The following ZAN variants were observed in gnomAD, a reference collection of about 807,000 sequenced individuals.
ZAN encodes the protein zonadhesin.
In ZAN, 260 loss-of-function variants were observed where a neutral mutation model predicts 286.2. The ratio of observed to expected loss-of-function variants is 0.91; its 90% CI spans 0.82 to 1.01. The LOEUF (loss-of-function observed/expected upper bound fraction) is 1.01. Among genes scored for constraint, ZAN ranks in the 50% least tolerant of loss-of-function variants. The probability of loss-of-function intolerance (pLI) is 0.00; values close to 1 mark genes in which losing one functional copy is unlikely to be tolerated. For synonymous variants in ZAN, 1,368 were observed against 1,417.5 expected (o/e 0.97, Z 0.79); for missense variants, 3,410 against 3,639.2 (o/e 0.94, Z 1.62).
intron 12 of ZAN, 59 bp downstream of exon 12, chr7:100,750,955 C>T: frequency 6.6e-7 from 1 of 1,510,246 alleles, no homozygotes; most frequent in Non-Finnish European, 8.8e-7. Flanking sequence ...TGCCTGGGAT[C>T]TGGGGGCGCC....
chr7:100,779,665 C>A lies in ZAN; in HGVS notation c.6537C>A (p.Ala2179=). ...GTGAGTTCGGAGGTCTCTACCAGGC[C>A]CTCTGCCAGGCTCTGCAAGCCTTCG... ...TLCEFGGLYQ[A]LCQALQAFGA... Residue 2179 remains alanine (A), a synonymous_variant, in exon 35 of 48, where the codon GCC becomes GCA. Transcript: ENST00000613979. The A allele has an allele frequency of 4.4e-6, 7 of 1,575,000 alleles. No individual in the cohort carries two copies. The highest frequency in any genetic ancestry group is 6.0e-6 in the Non-Finnish European group (7 of 1,160,436).
intron 17 of ZAN, 79 bp from the exon 18 acceptor site, chr7:100,759,634 TCCCTGCGG>T: frequency 5.4e-6 from 7 of 1,307,436 alleles, no homozygotes; most frequent in South Asian, 1.9e-5. Context: ...CGCTCATCTC[TCCCTGCGG>T]CGCCAGGCTC....
At chr7:100,757,048 G>A (rs573015052) in intron 15 of ZAN, among the ~76,000 whole-genome samples, 2 of 152,296 alleles carry the variant, frequency 1.3e-5, no homozygotes, top group East Asian at 1.9e-4. Context: ...GATTACAGGC[G>A]TGAGCCACCG....
intron 27 of ZAN, 96 bp from the exon 28 acceptor site, chr7:100,769,784 C>T (rs993930848): frequency 1.3e-5 from 14 of 1,085,666 alleles, no homozygotes; most frequent in Middle Eastern, 2.7e-4. Context: ...TGGTCTCAAG[C>T]GATCCTCCTG....
intron 23 of ZAN, among the ~76,000 whole-genome samples, 163 bp downstream of exon 23, chr7:100,765,717 C>T (rs1170984589): frequency 6.6e-5 from 10 of 152,338 alleles, no homozygotes; most frequent in Non-Finnish European, 1.0e-4. Flanking sequence ...GGCACGATCT[C>T]GGCTCACTGC....
At chr7:100,789,806 G>T (rs1431331068) in intron 39 of ZAN, among the ~76,000 whole-genome samples, 3 of 152,036 alleles carry the variant, frequency 2.0e-5, no homozygotes, top group Non-Finnish European at 4.4e-5. Context: ...TTAGCTGGGT[G>T]TGGTGGTGGG....
rs761765080 is a variant in ZAN, at chr7:100,784,712, G to A, written c.6712G>A (p.Ala2238Thr). The A allele has an allele frequency of 1.2e-5, 19 of 1,613,728 alleles. No homozygotes were observed. The highest frequency in any genetic ancestry group is 8.9e-5 in the East Asian group (4 of 44,880). The change falls in exon 36 of 48, where the codon GCC (alanine) becomes ACC (threonine). Residue 2238 changes from alanine (A) to threonine (T), a missense_variant. By Grantham distance (58) the Ala-to-Thr change is moderately conservative. Around this residue, in one of 7 missense-constraint regions of ZAN, gnomAD observed 1,289 missense variants for 1,314.3 expected, o/e 0.98. Transcript: ENST00000613979. ...GGACCTGGATGGCCGGTGTGAGGGC[G>A]CCAAAGTCCCCTCTGCCTGCGCTGA... is the stretch of plus-strand genomic sequence containing the variant. ...CWDLDGRCEGAKVPSACAEGC... is the reference protein window; with the variant it reads ...CWDLDGRCEGTKVPSACAEGC...
At chr7:100,751,667 G>A in intron 13 of ZAN, 45 bp from the exon 14 acceptor site, 6 of 1,532,248 alleles carry the variant, frequency 3.9e-6, no homozygotes, top group Non-Finnish European at 4.4e-6. Context: ...GAGGGTGGTG[G>A]TATGGTTTTG....
Position 100,787,501 on chromosome 7 carries a change from G to A in ZAN, c.6980-388G>A, listed in dbSNP as rs191604570. 2.0e-3 allele frequency among the ~76,000 whole-genome samples: 305 copies of A among 152,262 alleles called. 2 individuals carry two copies. The highest frequency in any genetic ancestry group is 0.01 in the Middle Eastern group (3 of 294). On this transcript the variant is annotated intron_variant, in intron 37 of 47. Coordinates refer to ENST00000613979, the MANE Select transcript of ZAN (RefSeq NM_003386.3). ...GAGGGTGGCCACAGGGGATGCCACC[G>A]TGGGGGAGGGACTCTGGGGACTGTC...
In ZAN at chr7:100,734,255, G is replaced by A; in HGVS notation, c.53+34G>A. The A allele has an allele frequency of 7.5e-6, 10 of 1,337,788 alleles. 1 individual carries two copies. Among genetic ancestry groups the A allele is most frequent in the Non-Finnish European group, 1.0e-5 (10 of 977,986 alleles). 82.9% of individuals were successfully genotyped at this position (1,337,788 alleles called of 1,614,324 possible). ...GGCCCAGGGGGTAATGATAAACCAG[G>A]GTCAGCTGAGGGTGGCTGTAAGGAA... On this transcript the variant is annotated intron_variant, in intron 2 of 47. Transcript: ENST00000613979.
rs540516959 is a variant in ZAN, at chr7:100,796,526, C to T, written c.8267-840C>T. 6.0e-5 allele frequency among the ~76,000 whole-genome samples: 9 copies of T among 151,034 alleles called. No individual in the cohort carries two copies. The South Asian group carries it at 1.9e-3, about 32-fold the overall frequency. ...CCACCTCCCGGGTTCAAGTGATTCTCCTGTCTCAGCCTCCTGAGTAGCTGG... is the reference window on the plus strand; with the variant it reads ...CCACCTCCCGGGTTCAAGTGATTCTTCTGTCTCAGCCTCCTGAGTAGCTGG... On this transcript the variant is annotated intron_variant, in intron 45 of 47. Coordinates refer to ENST00000613979, the MANE Select transcript of ZAN (RefSeq NM_003386.3).
intron 19 of ZAN, 105 bp from the exon 20 acceptor site, chr7:100,762,110 C>T (rs529464215): frequency 2.4e-4 from 337 of 1,430,248 alleles, no homozygotes; most frequent in Non-Finnish European, 3.1e-4. Context: ...ATCCTCCTCA[C>T]GCCCTCTGTT....
In ZAN at chr7:100,763,720, G is replaced by T; in HGVS notation, c.3987-86G>T. On this transcript the variant is annotated intron_variant, in intron 20 of 47. Coordinates refer to ENST00000613979, the MANE Select transcript of ZAN (RefSeq NM_003386.3). The surrounding 1 kb of genome is among the most constrained non-coding windows in gnomAD (Gnocchi z 4.6). ...GCTGACAGGCTGGTTTGCCGGTCCC[G>T]GCCTGCCAGCCTTGCTGCCTGCTGG... The T allele has an allele frequency of 7.1e-7, 1 of 1,414,262 alleles. No homozygotes were observed. Among genetic ancestry groups the T allele is most frequent in the Non-Finnish European group, 1.0e-6 (1 of 1,002,044 alleles). 87.6% of individuals were successfully genotyped at this position (1,414,262 alleles called of 1,614,324 possible). A position where few individuals can be genotyped will look rare whatever the true frequency, so the allele number is the denominator to read the frequency against.
chr7:100,794,427 T>A (rs1476674512), intron 44 of ZAN, among the ~76,000 whole-genome samples, 169 bp downstream of exon 44: 2 of 152,200 alleles, frequency 1.3e-5, no homozygotes, highest in African/African-American at 4.8e-5. Context: ...TCCCTAAGCA[T>A]CCATGACCTA....
rs369483280 is a variant in ZAN at position 100,792,453 on chromosome 7, G to A, written c.7761G>A (p.Glu2587=). The A allele has an allele frequency of 1.3e-5, 21 of 1,613,764 alleles. No homozygotes were observed. Among genetic ancestry groups the A allele is most frequent in the Middle Eastern group, 3.3e-4 (2 of 6,084 alleles). ...CTGCTCAGGACCCAAGAGAGCAAGA[G>A]GAGCTGCGTTGCCAGGTCCTCAGTG... ...LCSAQDPREQ[E]ELRCQVLSGH... Residue 2587 remains glutamate, a synonymous_variant, in exon 42 of 48, where the codon GAG becomes GAA. Transcript: ENST00000613979.
At chr7:100,785,223 CTTTTTTTT>C (rs5886135) in intron 36 of ZAN, among the ~76,000 whole-genome samples, 151 of 87,562 alleles carry the variant, frequency 1.7e-3, no homozygotes, top group African/African-American at 6.5e-3. Context: ...AACACAGTGC[CTTTTTTTT>C]TTTTTTTTTT....
At chr7:100,758,371 G>T (rs542860519) in intron 16 of ZAN, 28 bp downstream of exon 16, 2 of 1,605,928 alleles carry the variant, frequency 1.2e-6, no homozygotes, top group East Asian at 4.5e-5. Flanking sequence ...TGCTGTCCCT[G>T]CCTGCCAGCC....
rs1393324250 is a variant in ZAN, at chr7:100,743,015, CTCTT to C, written c.767-3517_767-3514del. Among the ~76,000 whole-genome samples, 39 of 131,292 alleles carry C rather than the reference CTCTT, an allele frequency of 3.0e-4. 3 individuals are homozygous for C. Among genetic ancestry groups the C allele is most frequent in the African/African-American group, 9.4e-4 (34 of 36,028 alleles). 86.1% of individuals were successfully genotyped at this position (131,292 alleles called of 152,430 possible). A position where few individuals can be genotyped will look rare whatever the true frequency, so the allele number is the denominator to read the frequency against. On this transcript the variant is annotated intron_variant, in intron 7 of 47. Transcript: ENST00000613979. ...GGCTTTTGCAAAAATCCAGGCGACA[CTCTT>C]TCTTTTTCTTTCTTTTTTTTTTTTT...
At chr7:100,764,582 T>C (rs1809823941) in intron 22 of ZAN, among the ~76,000 whole-genome samples, 1 of 150,968 alleles carries the variant, frequency 6.6e-6, no homozygotes, top group African/African-American at 2.4e-5. Context: ...CCCAGCTACT[T>C]GGAGGCTGAG....
Sources: allele counts gnomAD v4.1 joint callset (sites outside exome capture counted in the v4.1 genomes callset), GRCh38; gene constraint gnomAD v4.1.1; regional missense constraint gnomAD v4.1.1; non-coding constraint Gnocchi (gnomAD v3.1); transcripts MANE v1.5; gene names NCBI Gene and HGNC (gene_info 2026-07-23, HGNC 2026-07-21).